The following R3HDM2 variants were observed in gnomAD, a reference collection of about 807,000 sequenced individuals.
The protein encoded by R3HDM2 is R3H domain containing 2.
A neutral mutation model predicts 124.5 loss-of-function variants in R3HDM2; 38 were observed. The observed-to-expected ratio is 0.31, with a 90% CI of 0.24 to 0.40. The LOEUF is 0.40. Ranked by LOEUF, R3HDM2 falls within the 10% of genes least tolerant of loss-of-function variation. R3HDM2 has a pLI of 1.00. For synonymous variants in R3HDM2, 391 were observed against 448.0 expected (o/e 0.87, Z 1.61); for missense variants, 869 against 1,236.9 (o/e 0.70, Z 4.46).
intron 11 of R3HDM2, 128 bp downstream of exon 11, chr12:57,292,444 G>T: frequency 1.6e-6 from 1 of 631,900 alleles, no homozygotes; most frequent in Non-Finnish European, 2.7e-6. Context: ...TCTAGGGTTG[G>T]CTGATGTTGG....
chr12:57,391,932 C>T (rs1328440354), intron 2 of R3HDM2, among the ~76,000 whole-genome samples: 1 of 152,122 alleles, frequency 6.6e-6, no homozygotes, highest in African/African-American at 2.4e-5. Context: ...GAGGCTGAGG[C>T]GGGTGGATTA....
chr12:57,390,408 A>G (rs1164338918), intron 2 of R3HDM2, among the ~76,000 whole-genome samples: 1 of 152,150 alleles, frequency 6.6e-6, no homozygotes, highest in African/African-American at 2.4e-5. Flanking sequence ...TGAAGAAAAT[A>G]GGACTGAGGC....
chr12:57,279,691 CAG>C (rs888257196), intron 14 of R3HDM2, among the ~76,000 whole-genome samples: 4 of 151,764 alleles, frequency 2.6e-5, no homozygotes, highest in Admixed American at 1.3e-4. Context: ...AGAAATAAAA[CAG>C]AATACTGAAG....
At chr12:57,307,467 T>C (rs1473637730) in intron 3 of R3HDM2, among the ~76,000 whole-genome samples, 2 of 151,216 alleles carry the variant, frequency 1.3e-5, no homozygotes, top group African/African-American at 4.9e-5. Flanking sequence ...ATTACAAGCA[T>C]GCGCCACCAG....
intron 11 of R3HDM2, among the ~76,000 whole-genome samples, chr12:57,289,470 G>C (rs2048132226): frequency 6.6e-6 from 1 of 152,204 alleles, no homozygotes; most frequent in South Asian, 2.1e-4. Flanking sequence ...CATCCTCAAT[G>C]GCTTTTCCAT....
At position 57,292,669 on chromosome 12, in the gene R3HDM2, T is replaced by A; in HGVS notation, c.811-2A>T. ...TCCATCCTGCAATGGAACTCTGATCTAGATCGATGAGCAGAATTAAGCTAG... is the reference window on the plus strand; with the variant it reads ...TCCATCCTGCAATGGAACTCTGATCAAGATCGATGAGCAGAATTAAGCTAG... On this transcript the variant is annotated splice_acceptor_variant, in intron 10 of 23. Coordinates refer to ENST00000402412, the MANE Select transcript of R3HDM2 (RefSeq NM_001394031.1). LOFTEE classifies it high-confidence loss of function. 1 of 1,541,932 alleles carries A rather than the reference T, an allele frequency of 6.5e-7. No individual in the cohort carries two copies. The highest frequency in any genetic ancestry group is 1.7e-4 in the Middle Eastern group (1 of 5,974).
At chr12:57,391,890 A>C (rs1356369249) in intron 2 of R3HDM2, among the ~76,000 whole-genome samples, 1 of 152,240 alleles carries the variant, frequency 6.6e-6, no homozygotes, top group African/African-American at 2.4e-5. Context: ...GGCTGGGCCC[A>C]GTGGCTCAAG....
At chr12:57,374,853 G>A (rs527895704) in intron 2 of R3HDM2, among the ~76,000 whole-genome samples, 4 of 149,610 alleles carry the variant, frequency 2.7e-5, no homozygotes, top group East Asian at 4.0e-4. Flanking sequence ...AAAAATAGTC[G>A]GGCGTGGTGG....
In R3HDM2 at chr12:57,280,490, G is replaced by C; in HGVS notation, c.1212C>G (p.Thr404=). 2.5e-6 allele frequency: 4 copies of C among 1,613,522 alleles called. No homozygotes were observed. The highest frequency in any genetic ancestry group is 3.4e-6 in the Non-Finnish European group (4 of 1,179,628). ...LGAPEVCNQV[T]SSQSVRGLLP... is the part of the protein sequence containing the mutation. ...GAAGCCCCCGGACAGACTGGGATGAGGTGACCTGGTTGCACACTTCTGGGG... is the reference window on the plus strand; with the variant it reads ...GAAGCCCCCGGACAGACTGGGATGACGTGACCTGGTTGCACACTTCTGGGG... The change falls in exon 14 of 24, where the codon ACC becomes ACG. Residue 404 remains threonine (T), a synonymous_variant. Transcript: ENST00000402412.
At chr12:57,416,199 CA>C (rs1422961181) in intron 1 of R3HDM2, among the ~76,000 whole-genome samples, 1 of 151,492 alleles carries the variant, frequency 6.6e-6, no homozygotes, top group South Asian at 2.1e-4. Context: ...TACAGTAACA[CA>C]AAAAACTGTG....
chr12:57,381,978 G>A (rs1290740791), intron 2 of R3HDM2, among the ~76,000 whole-genome samples: 1 of 151,608 alleles, frequency 6.6e-6, no homozygotes, highest in African/African-American at 2.4e-5. Context: ...ACCATGCCTG[G>A]CTAATTTTTT....
chr12:57,420,396 G>A (rs2070073886), intron 1 of R3HDM2, among the ~76,000 whole-genome samples: 1 of 151,904 alleles, frequency 6.6e-6, no homozygotes, highest in African/African-American at 2.4e-5. Flanking sequence ...TGACCTGACT[G>A]TCAAATCCAG....
intron 2 of R3HDM2, among the ~76,000 whole-genome samples, chr12:57,329,988 T>TA (rs2057903000): frequency 6.6e-6 from 1 of 152,212 alleles, no homozygotes; most frequent in Non-Finnish European, 1.5e-5. Flanking sequence ...TTGTTGTTTT[T>TA]ATGAGATGGA....
chr12:57,305,360 T>G (rs2052342014), intron 3 of R3HDM2, among the ~76,000 whole-genome samples: 1 of 152,160 alleles, frequency 6.6e-6, no homozygotes, highest in Admixed American at 6.6e-5. Flanking sequence ...GTTTCACCAT[T>G]TAGGATGTTT....
intron 2 of R3HDM2, among the ~76,000 whole-genome samples, chr12:57,345,514 CACACACA>C (rs1490060782): frequency 7.4e-6 from 1 of 134,654 alleles, no homozygotes; most frequent in African/African-American, 2.6e-5. Flanking sequence ...CACACACACA[CACACACA>C]CACACACACA....
chr12:57,373,514 A>T (rs562390973), intron 2 of R3HDM2, among the ~76,000 whole-genome samples: 1 of 151,672 alleles, frequency 6.6e-6, no homozygotes, highest in African/African-American at 2.4e-5. Flanking sequence ...AAAAAATGTA[A>T]TAATAATAAT....
chr12:57,343,766 A>T (rs945187620), intron 2 of R3HDM2, among the ~76,000 whole-genome samples: 1 of 66,736 alleles, frequency 1.5e-5, no homozygotes, highest in Admixed American at 1.3e-4. Flanking sequence ...CAAAAGGTTA[A>T]AAAAAAAAAA....
chr12:57,281,887 G>A (rs766246380), intron 13 of R3HDM2, among the ~76,000 whole-genome samples: 2 of 152,190 alleles, frequency 1.3e-5, no homozygotes, highest in African/African-American at 2.4e-5. Context: ...TTGCATGAAA[G>A]CAAAGATGAG....
At position 57,395,228 on chromosome 12, in the gene R3HDM2, C is replaced by T. The variant is rs188760764; in HGVS notation, c.-36+521G>A. 2.7e-3 allele frequency among the ~76,000 whole-genome samples: 361 copies of T among 134,834 alleles called. 1 individual carries two copies. The highest frequency in any genetic ancestry group is 9.0e-3 in the African/African-American group (322 of 35,790). 88.5% of individuals were successfully genotyped at this position (134,834 alleles called of 152,430 possible). On this transcript the variant is annotated intron_variant, in intron 2 of 23. Transcript: ENST00000402412. ...AAAAAAAATTAAAAAAAATTAGAGCCGGGCACGGTGGCTCACGCCTGTAAT... is the reference window on the plus strand; with the variant it reads ...AAAAAAAATTAAAAAAAATTAGAGCTGGGCACGGTGGCTCACGCCTGTAAT...
Sources: gnomAD v4.1 joint callset for allele counts (sites outside exome capture counted in the v4.1 genomes callset) on GRCh38, gnomAD v4.1.1 for gene constraint, MANE v1.5 for transcripts, NCBI Gene and HGNC (gene_info 2026-07-23, HGNC 2026-07-21) for gene names.